Variants in ANKRD31 observed in about 807,000 individuals in gnomAD.
ANKRD31 encodes ankyrin repeat domain 31.
Under a neutral mutation model 186.0 loss-of-function variants are expected in ANKRD31, and 147 were observed. The observed-to-expected ratio is 0.79, with a 90% CI of 0.69 to 0.91. The LOEUF is 0.91. ANKRD31 is among the 40% of genes least tolerant of loss of function. ANKRD31 has a pLI of 0.00. For missense variants in ANKRD31, 1,986 were observed against 2,148.8 expected (o/e 0.92, Z 1.50); for synonymous variants, 673 against 736.4 (o/e 0.91, Z 1.39).
intron 22 of ANKRD31, 30 bp from the exon 23 acceptor site, chr5:75,091,431 G>T: frequency 6.6e-7 from 1 of 1,516,620 alleles, no homozygotes. Context: ...AGAAATTAAG[G>T]TCAAAAATAG....
At chr5:75,120,087 G>A (rs183071427) in intron 17 of ANKRD31, among the ~76,000 whole-genome samples, 49 of 152,090 alleles carry the variant, frequency 3.2e-4, no homozygotes, top group African/African-American at 1.1e-3. Flanking sequence ...GTAAAGAATC[G>A]TTACTAACTA....
At chr5:75,172,636 A>G (rs559724415) in intron 10 of ANKRD31, among the ~76,000 whole-genome samples, 21 of 152,344 alleles carry the variant, frequency 1.4e-4, no homozygotes, top group Admixed American at 5.2e-4. Context: ...TAGAAAATCT[A>G]GAAGAAATGT....
rs1410500116 is a variant in ANKRD31 at position 75,222,309 on chromosome 5, C to T, written c.228G>A (p.Leu76=). Residue 76 remains leucine (L), a synonymous_variant, in exon 3 of 26, where the codon CTG becomes CTA. Coordinates refer to ENST00000506364, the MANE Select transcript of ANKRD31 (RefSeq NM_001372053.1). The part of the protein sequence containing the change: ...IQLGFKLRED[L]QEQMNKNKMM... ...TCTTATTTTTATTCATTTGCTCTTG[C>T]AGATCCTCTCTGAGCTTAAATCCAA... The T allele has an allele frequency of 2.6e-6, 4 of 1,536,718 alleles. No individual in the cohort carries two copies. The highest frequency in any genetic ancestry group is 2.6e-6 in the Non-Finnish European group (3 of 1,146,734).
At chr5:75,217,141 G>A (rs900613126) in intron 3 of ANKRD31, among the ~76,000 whole-genome samples, 11 of 152,120 alleles carry the variant, frequency 7.2e-5, no homozygotes, top group Non-Finnish European at 1.3e-4. Flanking sequence ...TTTCATGTCC[G>A]ATTGCAGGGT....
At chr5:75,113,987 G>A (rs1044436169) in intron 19 of ANKRD31, among the ~76,000 whole-genome samples, 4 of 152,006 alleles carry the variant, frequency 2.6e-5, no homozygotes, top group Non-Finnish European at 5.9e-5. Context: ...ACTCAGTCTC[G>A]GACACTGTGG....
intron 10 of ANKRD31, among the ~76,000 whole-genome samples, chr5:75,169,369 G>T (rs1470121948): frequency 1.3e-5 from 2 of 152,132 alleles, no homozygotes; most frequent in Non-Finnish European, 2.9e-5. Flanking sequence ...ATATTTGAAA[G>T]TAATCTTGAC....
At chr5:75,084,842 GATTAA>G in intron 23 of ANKRD31, among the ~76,000 whole-genome samples, 1 of 152,222 alleles carries the variant, frequency 6.6e-6, no homozygotes, top group South Asian at 2.1e-4. Flanking sequence ...ATATTTAACT[GATTAA>G]ATTAATAACA....
intron 17 of ANKRD31, among the ~76,000 whole-genome samples, chr5:75,129,217 C>T (rs1017738878): frequency 6.6e-6 from 1 of 152,168 alleles, no homozygotes; most frequent in African/African-American, 2.4e-5. Flanking sequence ...TACCCTTCAC[C>T]TTCCACCATG....
chr5:75,115,794 C>T lies in ANKRD31; in HGVS notation c.4155+772G>A, dbSNP rs539417590. Among the ~76,000 whole-genome samples the T allele has an allele frequency of 2.0e-5, 3 of 151,528 alleles. No homozygotes were observed. In the East Asian group the frequency reaches 5.9e-4, roughly 30 times the overall value. On this transcript the variant is annotated intron_variant, in intron 19 of 25. Coordinates refer to ENST00000506364, the MANE Select transcript of ANKRD31 (RefSeq NM_001372053.1). ...GAGAGGATGTGGAGAAATAGGAACACTTTTATACTCTTGGTGGGACTGTAA... is the reference window on the plus strand; with the variant it reads ...GAGAGGATGTGGAGAAATAGGAACATTTTTATACTCTTGGTGGGACTGTAA...
rs531789928 is a variant in ANKRD31, at chr5:75,148,738, T to C, written c.1853-110A>G. 2.1e-5 allele frequency: 14 copies of C among 656,338 alleles called. No homozygotes were observed. The East Asian group carries it at 4.2e-4, about 20-fold the overall frequency. 40.7% of individuals were successfully genotyped at this position (656,338 alleles called of 1,614,324 possible). A position where few individuals can be genotyped will look rare whatever the true frequency, so the allele number is the denominator to read the frequency against. The stretch of plus-strand genomic sequence containing the variant: ...AGAAAACCAAGTGGAATAAGTGAAA[T>C]TATGCAAACATTTTATATTAAAATT... On this transcript the variant is annotated intron_variant, in intron 12 of 25. Coordinates refer to ENST00000506364, the MANE Select transcript of ANKRD31 (RefSeq NM_001372053.1).
chr5:75,188,194 T>G (rs1306903515), intron 10 of ANKRD31, among the ~76,000 whole-genome samples: 1 of 152,176 alleles, frequency 6.6e-6, no homozygotes, highest in African/African-American at 2.4e-5. Context: ...AGGCTGAGTC[T>G]CATAGTAACA....
chr5:75,095,813 A>G (rs1415569675), intron 22 of ANKRD31, among the ~76,000 whole-genome samples: 2 of 152,198 alleles, frequency 1.3e-5, no homozygotes, highest in Non-Finnish European at 2.9e-5. Context: ...GTATGTATAT[A>G]TAGAAAAAAA....
intron 22 of ANKRD31, among the ~76,000 whole-genome samples, chr5:75,098,998 T>A (rs1746572793): frequency 6.6e-6 from 1 of 152,208 alleles, no homozygotes; most frequent in Non-Finnish European, 1.5e-5. Context: ...AGGGCATCCC[T>A]GTCTTGTGCC....
intron 22 of ANKRD31, among the ~76,000 whole-genome samples, chr5:75,091,878 A>T (rs1745946626): frequency 6.6e-6 from 1 of 152,116 alleles, no homozygotes; most frequent in Non-Finnish European, 1.5e-5. Context: ...CAGAGGCTCC[A>T]CCTTTGGCAC....
In ANKRD31 at chr5:75,167,780, A is replaced by G. The variant is rs182212442; in HGVS notation, c.1707+1199T>C. Among the ~76,000 whole-genome samples, 605 of 152,360 alleles carry G rather than the reference A, an allele frequency of 4.0e-3. 1 individual carries two copies. Among genetic ancestry groups the G allele is most frequent in the South Asian group, 0.013 (65 of 4,828 alleles). On this transcript the variant is annotated intron_variant, in intron 11 of 25. Transcript: ENST00000506364. ...AGTTCGAAGTGGGGCAAAGGAACAA[A>G]TAGGAAAGAAAAGAAGAAAAATTAA...
At chr5:75,181,894 T>TTA (rs1754333990) in intron 10 of ANKRD31, among the ~76,000 whole-genome samples, 1 of 148,850 alleles carries the variant, frequency 6.7e-6, no homozygotes, top group South Asian at 2.1e-4. Flanking sequence ...ATAGTAATGA[T>TTA]AAAAAAAAAG....
chr5:75,082,138 T>C (rs1433701233), intron 24 of ANKRD31, among the ~76,000 whole-genome samples: 1 of 152,196 alleles, frequency 6.6e-6, no homozygotes. Context: ...CCAAAAATGA[T>C]GAAAAACACT....
chr5:75,222,505 G>C (rs1408540647), intron 2 of ANKRD31, 147 bp from the exon 3 acceptor site: 1 of 664,812 alleles, frequency 1.5e-6, no homozygotes, highest in Admixed American at 3.0e-5. Context: ...AAAAAAACGA[G>C]ATATATGTGC....
Position 75,104,359 on chromosome 5 carries a change from C to A in ANKRD31, c.5200G>T (p.Gly1734Trp). The A allele has an allele frequency of 6.5e-7, 1 of 1,537,068 alleles. No individual in the cohort carries two copies. The highest frequency in any genetic ancestry group is 8.7e-7 in the Non-Finnish European group (1 of 1,146,890). ...DSQISSSSGS[G>W]QQDTIKKALN... ...GCCTTTTTTATTGTATCTTGTTGCC[C>A]AGATCCAGAGGAAGAGGAGATCTGA... The change falls in exon 22 of 26, where the codon GGG becomes TGG. Residue 1734 changes from glycine to tryptophan, a missense_variant. Physicochemically the swap from Gly to Trp is radical, Grantham distance 184 (BLOSUM62 -2). Coordinates refer to ENST00000506364, the MANE Select transcript of ANKRD31 (RefSeq NM_001372053.1).
Sources: gnomAD v4.1 joint callset for allele counts (sites outside exome capture counted in the v4.1 genomes callset) on GRCh38, gnomAD v4.1.1 for gene constraint, MANE v1.5 for transcripts, NCBI Gene and HGNC (gene_info 2026-07-23, HGNC 2026-07-21) for gene names.